Variants in TSPAN3 observed in about 807,000 individuals in gnomAD.
TSPAN3 encodes the protein tetraspanin-3.
Under a neutral mutation model 31.1 loss-of-function variants are expected in TSPAN3, and 9 were observed. That is an observed-to-expected ratio of 0.29 (90% confidence interval 0.17 to 0.50). The LOEUF is 0.50. Among genes scored for constraint, TSPAN3 ranks in the 20% least tolerant of loss-of-function variants. The pLI, the probability that TSPAN3 is intolerant of heterozygous loss-of-function variation, is 0.98. For synonymous variants in TSPAN3, 129 were observed against 114.3 expected (o/e 1.13, Z -0.82); for missense variants, 252 against 313.5 (o/e 0.80, Z 1.48).
intron 1 of TSPAN3, chr15:77,069,801 G>GTTAACC (rs757141217): frequency 3.9e-5 from 6 of 152,418 alleles, no homozygotes; most frequent in Non-Finnish European, 8.8e-5. Flanking sequence ...GCACAGTATG[G>GTTAACC]TTAACCGGAA....
intron 1 of TSPAN3, chr15:77,064,016 A>C (rs917712418): frequency 1.3e-5 from 2 of 152,234 alleles, no homozygotes; most frequent in African/African-American, 4.8e-5. Context: ...TTATGTGTTT[A>C]ATCAGTAGCA....
chr15:77,046,326 C>T lies in TSPAN3; in HGVS notation c.*509G>A. The T allele has an allele frequency of 2.5e-6, 1 of 400,208 alleles. No individual in the cohort carries two copies. The highest frequency in any genetic ancestry group is 4.4e-6 in the Non-Finnish European group (1 of 226,880). 24.8% of individuals were successfully genotyped at this position (400,208 alleles called of 1,614,324 possible). A position where few individuals can be genotyped will look rare whatever the true frequency, so the allele number is the denominator to read the frequency against. On this transcript the variant is annotated 3_prime_UTR_variant, in exon 7 of 7. Coordinates refer to ENST00000267970, the MANE Select transcript of TSPAN3 (RefSeq NM_005724.6). ...ATATGATCCTACAATCTATTTTAGT[C>T]ATTTTGTACAGCTGCTATCTTATTG... is the stretch of plus-strand genomic sequence containing the variant.
In TSPAN3 at chr15:77,061,865, C is replaced by T. The variant is rs116794383; in HGVS notation, c.64-5610G>A. On this transcript the variant is annotated intron_variant, in intron 1 of 6. Transcript: ENST00000267970. ...GACAAGGCACCATCTGGACTTTATT[C>T]ACCTAAAAGCACAGTGCCTGACAAA... is the stretch of plus-strand genomic sequence containing the variant. Among the ~76,000 whole-genome samples the T allele has an allele frequency of 5.5e-3, 840 of 152,306 alleles. 4 individuals are homozygous for T. Among genetic ancestry groups the T allele is most frequent in the African/African-American group, 0.019 (809 of 41,568 alleles).
chr15:77,069,106 T>C (rs1212454449), intron 1 of TSPAN3, among the ~76,000 whole-genome samples: 1 of 152,232 alleles, frequency 6.6e-6, no homozygotes, highest in African/African-American at 2.4e-5. Context: ...TTTAGAAATG[T>C]AAATATTATT....
rs2076765193 is a variant in TSPAN3 at position 77,055,835 on chromosome 15, A to T, written c.284T>A (p.Val95Asp). The change falls in exon 3 of 7, where the codon GTC becomes GAC. Residue 95 changes from valine to aspartate, a missense_variant. Val to Asp is a radical substitution (Grantham distance 152). Transcript: ENST00000267970. The stretch of plus-strand genomic sequence containing the variant: ...CAAAACCACTACAACAACTTCTGTG[A>T]CAAAAACCAAGAGCAGGATGATGAC... The part of the protein sequence containing the change: ...TFVIILLLVF[V>D]TEVVVVVLGY... 2 of 1,611,818 alleles carry T rather than the reference A, an allele frequency of 1.2e-6. No homozygotes were observed. Among genetic ancestry groups the T allele is most frequent in the Non-Finnish European group, 1.7e-6 (2 of 1,179,448 alleles).
At chr15:77,051,545 AAAG>A (rs968273673) in intron 6 of TSPAN3, among the ~76,000 whole-genome samples, 4 of 151,612 alleles carry the variant, frequency 2.6e-5, no homozygotes, top group African/African-American at 9.7e-5. Context: ...AAAAAAAAGA[AAAG>A]AAAAGAAAAG....
rs563827079 is a variant in TSPAN3, at chr15:77,062,127, T to C, written c.64-5872A>G. Among the ~76,000 whole-genome samples the C allele has an allele frequency of 5.3e-5, 8 of 152,378 alleles. No homozygotes were observed. The East Asian group carries it at 1.3e-3, about 26-fold the overall frequency. On this transcript the variant is annotated intron_variant, in intron 1 of 6. Coordinates refer to ENST00000267970, the MANE Select transcript of TSPAN3 (RefSeq NM_005724.6). ...TTTTAACATTAAATCCAGAGTTTCC[T>C]GTACTGTCATATTATTTTTCATATA...
chr15:77,059,246 C>CT (rs1290240339), intron 1 of TSPAN3, among the ~76,000 whole-genome samples: 1 of 152,090 alleles, frequency 6.6e-6, no homozygotes, highest in Non-Finnish European at 1.5e-5. Flanking sequence ...CTACACCTGG[C>CT]TAATTTTTTG....
intron 1 of TSPAN3, 69 bp from the exon 2 acceptor site, chr15:77,056,324 T>C (rs2076768749): frequency 4.8e-6 from 6 of 1,247,164 alleles, no homozygotes; most frequent in Non-Finnish European, 5.5e-6. Flanking sequence ...TTGCTTAGTA[T>C]GGTATAATTT....
At chr15:77,055,595 ACT>A (rs1176439291) in intron 3 of TSPAN3, 192 bp downstream of exon 3, 22 of 528,272 alleles carry the variant, frequency 4.2e-5, no homozygotes, top group Non-Finnish European at 6.7e-5. Flanking sequence ...CATATATAAC[ACT>A]CTGCTATATT....
Position 77,071,037 on chromosome 15 carries a change from G to A in TSPAN3, c.-83C>T. On this transcript the variant is annotated 5_prime_UTR_variant, in exon 1 of 7. Transcript: ENST00000267970. Reference sequence around the variant, plus strand: ...GCGGCAATGGCGGCGGCGCCTCCTCGCTAGGAACTGCACGGCCTGCGCGGC... The same window carrying A: ...GCGGCAATGGCGGCGGCGCCTCCTCACTAGGAACTGCACGGCCTGCGCGGC... 2.0e-6 allele frequency: 2 copies of A among 1,011,026 alleles called. No homozygotes were observed. Among genetic ancestry groups the A allele is most frequent in the Non-Finnish European group, 2.6e-6 (2 of 764,260 alleles). 62.6% of individuals were successfully genotyped at this position (1,011,026 alleles called of 1,614,324 possible).
At chr15:77,053,521 C>T (rs1036456819) in intron 4 of TSPAN3, among the ~76,000 whole-genome samples, 6 of 125,478 alleles carry the variant, frequency 4.8e-5, no homozygotes, top group Admixed American at 8.8e-5. Context: ...TGCCTATAAG[C>T]GGTAGTTTCT....
At chr15:77,061,096 C>G (rs2076797847) in intron 1 of TSPAN3, among the ~76,000 whole-genome samples, 1 of 152,140 alleles carries the variant, frequency 6.6e-6, no homozygotes. Flanking sequence ...TGCTTTTACC[C>G]TTCCTCTACA....
intron 1 of TSPAN3, among the ~76,000 whole-genome samples, chr15:77,059,190 C>A (rs907644933): frequency 2.0e-5 from 3 of 152,206 alleles, no homozygotes; most frequent in Non-Finnish European, 4.4e-5. Flanking sequence ...TCACGCCATT[C>A]TCCTGCCTCA....
chr15:77,050,186 G>C (rs2076721513), intron 6 of TSPAN3, among the ~76,000 whole-genome samples: 1 of 152,190 alleles, frequency 6.6e-6, no homozygotes, highest in Non-Finnish European at 1.5e-5. Flanking sequence ...CAATCTATCA[G>C]ATTTTGAATA....
intron 1 of TSPAN3, chr15:77,063,791 T>C (rs2076814058): frequency 6.6e-6 from 1 of 152,222 alleles, no homozygotes; most frequent in Non-Finnish European, 1.5e-5. Context: ...GATTAACCAA[T>C]TGCCATTGCC....
Position 77,045,054 on chromosome 15 carries a change from G to A in TSPAN3, c.*1781C>T, listed in dbSNP as rs2076681771. On this transcript the variant is annotated 3_prime_UTR_variant, in exon 7 of 7. Transcript: ENST00000267970. The stretch of plus-strand genomic sequence containing the variant: ...CTTTCCCGTGTCTTCTCCATTTTCA[G>A]GTGGGACAGATCTGCATGATATTTG... 1 of 152,012 alleles carries A rather than the reference G, an allele frequency of 6.6e-6. No individual in the cohort carries two copies. Among genetic ancestry groups the A allele is most frequent in the Non-Finnish European group, 1.5e-5 (1 of 68,026 alleles). 9.4% of individuals were successfully genotyped at this position (152,012 alleles called of 1,614,324 possible).
chr15:77,051,632 T>C (rs907462761), intron 6 of TSPAN3, among the ~76,000 whole-genome samples: 3 of 151,268 alleles, frequency 2.0e-5, no homozygotes, highest in African/African-American at 7.3e-5. Context: ...GAGGATTGCT[T>C]GAGGCCAGGA....
intron 1 of TSPAN3, among the ~76,000 whole-genome samples, chr15:77,059,148 T>A (rs529620084): frequency 6.6e-5 from 10 of 152,202 alleles, no homozygotes; most frequent in Admixed American, 2.0e-4. Context: ...AGTGGCGCAA[T>A]CTCAGCTCAC....
Sources: allele counts gnomAD v4.1 joint callset (sites outside exome capture counted in the v4.1 genomes callset), GRCh38; gene constraint gnomAD v4.1.1; transcripts MANE v1.5; gene names NCBI Gene and HGNC (gene_info 2026-07-23, HGNC 2026-07-21).